The following PPA2 variants were observed in gnomAD, a reference collection of about 807,000 sequenced individuals.
PPA2 encodes the protein inorganic pyrophosphatase 2, also known as inorganic pyrophosphatase 2, mitochondrial.
Under a neutral mutation model 49.5 loss-of-function variants are expected in PPA2, and 48 were observed. That is an observed-to-expected ratio of 0.97 (90% CI 0.77 to 1.23). PPA2 has a LOEUF of 1.23. Ranked by LOEUF, PPA2 falls within the 50% of genes most tolerant of loss-of-function variation. PPA2 has a pLI of 0.00. For missense variants in PPA2, 429 were observed against 410.1 expected (o/e 1.05, Z -0.40); for synonymous variants, 131 against 139.9 (o/e 0.94, Z 0.45).
intron 1 of PPA2, among the ~76,000 whole-genome samples, chr4:105,466,341 C>T (rs1723300160): frequency 6.6e-6 from 1 of 151,480 alleles, no homozygotes; most frequent in South Asian, 2.1e-4. Flanking sequence ...ATACTAGATA[C>T]AAATTCCAAT....
At chr4:105,385,111 AT>A (rs1395910371) in intron 10 of PPA2, among the ~76,000 whole-genome samples, 1 of 152,152 alleles carries the variant, frequency 6.6e-6, no homozygotes, top group Non-Finnish European at 1.5e-5. Flanking sequence ...TTCTTGGCAC[AT>A]ATGTCAGCCC....
intron 10 of PPA2, among the ~76,000 whole-genome samples, chr4:105,382,749 G>A (rs911114771): frequency 1.3e-5 from 2 of 152,050 alleles, no homozygotes; most frequent in African/African-American, 2.4e-5. Context: ...CTGTAATCTC[G>A]GTGCTTTGGG....
intron 7 of PPA2, among the ~76,000 whole-genome samples, chr4:105,400,519 G>C (rs1484366209): frequency 1.3e-5 from 2 of 152,152 alleles, no homozygotes; most frequent in Non-Finnish European, 2.9e-5. Flanking sequence ...TATAGTCCAA[G>C]CTACTCAGGA....
rs116552134 is a variant in PPA2, at chr4:105,376,896, C to T, written c.940-6023G>A. On this transcript the variant is annotated intron_variant, in intron 10 of 11. Transcript: ENST00000341695. ...TTTTTCCAGTAAAATGACTACAGTACCAAGTATTAGAGAACCTCACACATT... is the reference window on the plus strand; with the variant it reads ...TTTTTCCAGTAAAATGACTACAGTATCAAGTATTAGAGAACCTCACACATT... Among the ~76,000 whole-genome samples the T allele has an allele frequency of 5.2e-3, 786 of 152,192 alleles. 5 individuals carry two copies. The highest frequency in any genetic ancestry group is 5.6e-3 in the Non-Finnish European group (383 of 68,010).
chr4:105,471,635 C>T (rs1047749906), intron 1 of PPA2, among the ~76,000 whole-genome samples: 2 of 152,168 alleles, frequency 1.3e-5, no homozygotes, highest in African/African-American at 4.8e-5. Context: ...AATAAATATC[C>T]AATCTGTGAT....
chr4:105,388,850 TTAG>T (rs2110379373), intron 9 of PPA2, among the ~76,000 whole-genome samples: 1 of 123,214 alleles, frequency 8.1e-6, no homozygotes, highest in East Asian at 2.2e-4. Context: ...AAAAAAAAAA[TTAG>T]CTGTTTTAAG....
chr4:105,435,867 G>C (rs1316857800), intron 6 of PPA2, among the ~76,000 whole-genome samples: 1 of 152,038 alleles, frequency 6.6e-6, no homozygotes, highest in African/African-American at 2.4e-5. Flanking sequence ...ATGTGAAAAA[G>C]TTGAAAGCAT....
intron 7 of PPA2, among the ~76,000 whole-genome samples, chr4:105,420,774 G>A (rs1461670854): frequency 6.6e-6 from 1 of 152,164 alleles, no homozygotes; most frequent in Non-Finnish European, 1.5e-5. Flanking sequence ...ATTTAAGTAA[G>A]TAGAACTAAC....
chr4:105,388,677 T>C (rs1372498651), intron 9 of PPA2, among the ~76,000 whole-genome samples: 1 of 151,726 alleles, frequency 6.6e-6, no homozygotes, highest in Non-Finnish European at 1.5e-5. Flanking sequence ...ATACAAAAAT[T>C]AGCCAGGCAT....
chr4:105,417,735 A>C (rs1048864058), intron 7 of PPA2, among the ~76,000 whole-genome samples: 7 of 152,240 alleles, frequency 4.6e-5, no homozygotes, highest in African/African-American at 1.7e-4. Flanking sequence ...GAATATGATC[A>C]AAAGAGCTAA....
chr4:105,467,723 G>A (rs1723364856), intron 1 of PPA2, among the ~76,000 whole-genome samples: 1 of 152,042 alleles, frequency 6.6e-6, no homozygotes, highest in Admixed American at 6.5e-5. Context: ...TTGTCTTTTG[G>A]TACATTTCAA....
rs993307304 is a variant in PPA2 at position 105,425,723 on chromosome 4, T to TACACATACACAC, written c.529-1402_529-1401insGTGTGTATGTGT. ...CAGATTGAGAAAGGACACATGCACA[T>TACACATACACAC]ACACACACACACACACACACACACA... is the stretch of plus-strand genomic sequence containing the variant. On this transcript the variant is annotated intron_variant, in intron 6 of 11. Transcript: ENST00000341695. 1.5e-3 allele frequency among the ~76,000 whole-genome samples: 182 copies of TACACATACACAC among 122,526 alleles called. 1 individual carries two copies. Among genetic ancestry groups the TACACATACACAC allele is most frequent in the African/African-American group, 5.5e-3 (175 of 31,968 alleles). The allele number at this position is 122,526 out of a possible 152,430, so 80.4% of individuals were successfully genotyped here. A position where few individuals can be genotyped will look rare whatever the true frequency, so the allele number is the denominator to read the frequency against.
intron 10 of PPA2, among the ~76,000 whole-genome samples, chr4:105,385,998 G>A (rs1422527150): frequency 6.6e-6 from 1 of 151,124 alleles, no homozygotes; most frequent in Non-Finnish European, 1.5e-5. Flanking sequence ...TTGTGCCTCA[G>A]CCTGCCGAGT....
chr4:105,409,420 G>C (rs1276165063), intron 7 of PPA2, among the ~76,000 whole-genome samples: 1 of 152,138 alleles, frequency 6.6e-6, no homozygotes, highest in Admixed American at 6.5e-5. Flanking sequence ...GTGGACCTCA[G>C]TGCCCCTCTG....
At chr4:105,390,805 T>C (rs1487877303) in intron 9 of PPA2, among the ~76,000 whole-genome samples, 1 of 152,150 alleles carries the variant, frequency 6.6e-6, no homozygotes, top group African/African-American at 2.4e-5. Flanking sequence ...GAACCAGAAA[T>C]ACCATTTGAC....
At chr4:105,469,856 G>A (rs1385581645) in intron 1 of PPA2, among the ~76,000 whole-genome samples, 1 of 152,138 alleles carries the variant, frequency 6.6e-6, no homozygotes, top group East Asian at 1.9e-4. Flanking sequence ...CAAATTTTGT[G>A]GATTATTCAC....
At chr4:105,379,466 T>TAGATAGATAGATAGATA (rs70964651) in intron 10 of PPA2, among the ~76,000 whole-genome samples, 1 of 97,772 alleles carries the variant, frequency 1.0e-5, no homozygotes, top group African/African-American at 3.1e-5. Flanking sequence ...GATAGATAGA[T>TAGATAGATAGATAGATA]ATCTCAAGCA....
At position 105,369,536 on chromosome 4, in the gene PPA2, T is replaced by G. The variant is rs952215518; in HGVS notation, c.*189A>C. The G allele has an allele frequency of 1.8e-6, 1 of 563,246 alleles. No homozygotes were observed. Among genetic ancestry groups the G allele is most frequent in the African/African-American group, 1.9e-5 (1 of 52,196 alleles). 34.9% of individuals were successfully genotyped at this position (563,246 alleles called of 1,614,324 possible). On this transcript the variant is annotated 3_prime_UTR_variant, in exon 12 of 12. Transcript: ENST00000341695. ...CCGTGCCTGGCCAAAATCTTCTTTT[T>G]ATATCAATAAATGTCCAAAGGAGAG...
At chr4:105,396,194 G>C (rs1289212145) in intron 9 of PPA2, 55 bp downstream of exon 9, 1 of 1,075,366 alleles carries the variant, frequency 9.3e-7, no homozygotes, top group Non-Finnish European at 1.3e-6. Flanking sequence ...TTATTATGTG[G>C]CTGTTTAATA....
Sources: allele counts gnomAD v4.1 joint callset (sites outside exome capture counted in the v4.1 genomes callset), GRCh38; gene constraint gnomAD v4.1.1; transcripts MANE v1.5; gene names NCBI Gene and HGNC (gene_info 2026-07-23, HGNC 2026-07-21).